Variants in IREB2 observed in about 807,000 individuals in gnomAD.
IREB2 encodes the protein iron-responsive element-binding protein 2.
Under a neutral mutation model 118.8 loss-of-function variants are expected in IREB2, and 39 were observed. The observed-to-expected ratio is 0.33, with a 90% CI of 0.25 to 0.43. The LOEUF (loss-of-function observed/expected upper bound fraction) is 0.43, where lower values mean the gene tolerates loss of function less well. Ranked by LOEUF, IREB2 falls within the 20% of genes least tolerant of loss-of-function variation. IREB2 has a pLI of 1.00. For synonymous variants in IREB2, 372 were observed against 392.2 expected, an observed-to-expected ratio of 0.95 and a Z score of 0.61; for missense variants, 900 against 1,147.3, an observed-to-expected ratio of 0.78 and a Z score of 3.11.
intron 11 of IREB2, among the ~76,000 whole-genome samples, chr15:78,484,194 A>G (rs187601088): frequency 2.6e-5 from 4 of 152,102 alleles, no homozygotes; most frequent in Admixed American, 1.3e-4. Flanking sequence ...CACTTTCTCT[A>G]TTCTGAGATC....
chr15:78,464,917 TA>T (rs1215542448), intron 3 of IREB2, among the ~76,000 whole-genome samples: 1 of 152,032 alleles, frequency 6.6e-6, no homozygotes, highest in African/African-American at 2.4e-5. Flanking sequence ...ACGAAGGCAC[TA>T]GGGGGAAGGG....
At chr15:78,478,469 G>A (rs545431474) in intron 10 of IREB2, 72 bp downstream of exon 10, 91 of 919,996 alleles carry the variant, frequency 9.9e-5, no homozygotes, top group Non-Finnish European at 1.5e-4. Context: ...TTGAAAGGTT[G>A]GGGTGGGTTG....
At chr15:78,443,118 T>TA in intron 2 of IREB2, among the ~76,000 whole-genome samples, 1 of 152,322 alleles carries the variant, frequency 6.6e-6, no homozygotes, top group African/African-American at 2.4e-5. Context: ...TTTCTATACA[T>TA]ACATAGCTAT....
At position 78,438,617 on chromosome 15, in the gene IREB2, C is replaced by T; in HGVS notation, c.19+261C>T. On this transcript the variant is annotated intron_variant, in intron 1 of 21. Transcript: ENST00000258886. ...CTGGCCTTGACCCGCACCCCTCTCT[C>T]TCCGGTGGCCGCTGCCTGCTGCCAG... 8.2e-6 allele frequency: 4 copies of T among 485,862 alleles called. No individual in the cohort carries two copies. In the South Asian group the frequency reaches 8.7e-5, roughly 11 times the overall value. The allele number at this position is 485,862 out of a possible 1,614,324, so 30.1% of individuals were successfully genotyped here.
intron 3 of IREB2, among the ~76,000 whole-genome samples, chr15:78,464,504 A>G (rs762412716): frequency 6.6e-6 from 1 of 152,196 alleles, no homozygotes; most frequent in Non-Finnish European, 1.5e-5. Flanking sequence ...TTCTTACACC[A>G]TTTATTCAGA....
chr15:78,438,446 T>A (rs371479403), intron 1 of IREB2, 90 bp downstream of exon 1: 1 of 1,436,092 alleles, frequency 7.0e-7, no homozygotes. Flanking sequence ...CTGGAGTCGC[T>A]CGGCAGGCGC....
chr15:78,471,642 AC>A, intron 6 of IREB2, 98 bp from the exon 7 acceptor site: 1 of 648,086 alleles, frequency 1.5e-6, no homozygotes, highest in Non-Finnish European at 2.5e-6. Flanking sequence ...ACCATATTGA[AC>A]ATTAGTTAAA....
Position 78,485,599 on chromosome 15 carries a change from C to T in IREB2, c.1574-106C>T. 4 of 1,141,880 alleles carry T rather than the reference C, an allele frequency of 3.5e-6. No homozygotes were observed. In the South Asian group the frequency reaches 4.8e-5, roughly 14 times the overall value. 70.7% of individuals were successfully genotyped at this position (1,141,880 alleles called of 1,614,324 possible). On this transcript the variant is annotated intron_variant, in intron 12 of 21. Coordinates refer to ENST00000258886, the MANE Select transcript of IREB2 (RefSeq NM_004136.4). ...AATAATGACAGTAAGTTTATGAATT[C>T]ATACTTTAATCTGTTAAATAAATTA...
At chr15:78,455,753 C>T (rs1193824906) in intron 2 of IREB2, among the ~76,000 whole-genome samples, 2 of 152,148 alleles carry the variant, frequency 1.3e-5, no homozygotes, top group Non-Finnish European at 2.9e-5. Context: ...TAAACAACTG[C>T]AGATGATATT....
chr15:78,451,096 C>T (rs1308135933), intron 2 of IREB2, among the ~76,000 whole-genome samples: 1 of 151,776 alleles, frequency 6.6e-6, no homozygotes, highest in Non-Finnish European at 1.5e-5. Flanking sequence ...TCCCGAGTAG[C>T]TGGGATTACA....
chr15:78,438,124 G>C (rs1036452943), upstream of IREB2: 8 of 566,784 alleles, frequency 1.4e-5, no homozygotes, highest in Middle Eastern at 3.8e-4. Flanking sequence ...CCCTTTCTTT[G>C]TTTTCCTGTC....
At chr15:78,456,024 C>G (rs1056899634) in intron 2 of IREB2, among the ~76,000 whole-genome samples, 3 of 152,028 alleles carry the variant, frequency 2.0e-5, no homozygotes, top group African/African-American at 7.3e-5. Flanking sequence ...GGCTTTTCAC[C>G]GAGTAATCTA....
In IREB2 at chr15:78,498,353, A is replaced by C; in HGVS notation, c.*210A>C. The C allele has an allele frequency of 1.3e-5, 4 of 317,332 alleles. No individual in the cohort carries two copies. Among genetic ancestry groups the C allele is most frequent in the Non-Finnish European group, 5.8e-6 (1 of 172,088 alleles). The allele number at this position is 317,332 out of a possible 1,614,324, so 19.7% of individuals were successfully genotyped here. ...GAATGGTGCTATTAATATTGCTAAA[A>C]TCAACGTGTGAAGTGTGTTGTGGAA... is the stretch of plus-strand genomic sequence containing the variant. On this transcript the variant is annotated 3_prime_UTR_variant, in exon 22 of 22. Transcript: ENST00000258886.
intron 8 of IREB2, chr15:78,473,633 C>T (rs1321130260): frequency 7.5e-6 from 3 of 398,602 alleles, no homozygotes; most frequent in East Asian, 5.0e-5. Context: ...GAGATGGATA[C>T]TATTACTATT....
intron 2 of IREB2, among the ~76,000 whole-genome samples, chr15:78,457,395 T>G (rs905486560): frequency 2.6e-5 from 4 of 152,226 alleles, no homozygotes; most frequent in Non-Finnish European, 5.9e-5. Context: ...GTTTACTCTC[T>G]GATTTTATAG....
intron 2 of IREB2, among the ~76,000 whole-genome samples, chr15:78,453,839 G>C (rs958986026): frequency 1.3e-4 from 20 of 152,200 alleles, no homozygotes; most frequent in African/African-American, 4.8e-4. Flanking sequence ...AAAATAAGCA[G>C]ATCAGAGAAA....
chr15:78,493,138 G>C (rs796218863), intron 18 of IREB2, among the ~76,000 whole-genome samples: 6 of 152,128 alleles, frequency 3.9e-5, no homozygotes, highest in Non-Finnish European at 8.8e-5. Context: ...CATGTTAAAT[G>C]ATTCATGGAG....
chr15:78,438,045 G>C (rs2050779254), upstream of IREB2: 5 of 469,738 alleles, frequency 1.1e-5, no homozygotes, highest in South Asian at 1.5e-4. Flanking sequence ...CCTCCCCAGC[G>C]CTCCGCCCCC....
chr15:78,467,786 T>C (rs911223449), intron 5 of IREB2, among the ~76,000 whole-genome samples: 11 of 152,218 alleles, frequency 7.2e-5, no homozygotes, highest in African/African-American at 2.7e-4. Context: ...AAGGTCTCAC[T>C]ATGTTGCCCA....
Sources: gnomAD v4.1 joint callset for allele counts (sites outside exome capture counted in the v4.1 genomes callset) on GRCh38, gnomAD v4.1.1 for gene constraint, MANE v1.5 for transcripts, NCBI Gene and HGNC (gene_info 2026-07-23, HGNC 2026-07-21) for gene names.